The following SPTLC2 variants were observed in gnomAD, a reference collection of about 807,000 sequenced individuals.
SPTLC2 encodes the protein serine palmitoyltransferase 2.
A neutral mutation model predicts 62.0 loss-of-function variants in SPTLC2; 21 were observed. That is an observed-to-expected ratio of 0.34 (90% CI 0.24 to 0.49). SPTLC2 has a LOEUF of 0.49. Ranked by LOEUF, SPTLC2 falls within the 20% of genes least tolerant of loss-of-function variation. SPTLC2 has a pLI of 0.99. For synonymous variants in SPTLC2, 261 were observed against 261.8 expected (o/e 1.00, Z 0.03); for missense variants, 511 against 713.0 (o/e 0.72, Z 3.23).
At chr14:77,549,437 C>T (rs1484503850) in intron 9 of SPTLC2, among the ~76,000 whole-genome samples, 1 of 152,142 alleles carries the variant, frequency 6.6e-6, no homozygotes, top group African/African-American at 2.4e-5. Flanking sequence ...CATGAGGAGC[C>T]TAAGCCACAT....
rs893936137 is a variant in SPTLC2 at position 77,551,464 on chromosome 14, G to A, written c.1303+632C>T. Among the ~76,000 whole-genome samples the A allele has an allele frequency of 2.0e-5, 3 of 146,844 alleles. No homozygotes were observed. In the Admixed American group the frequency reaches 2.1e-4, roughly 10 times the overall value. The stretch of plus-strand genomic sequence containing the variant: ...ACATGCAATGAAAATATTTTTTAAA[G>A]TAAAGACAGACACCCAGTTGCTCCC... On this transcript the variant is annotated intron_variant, in intron 9 of 11. Transcript: ENST00000216484.
At chr14:77,516,606 G>A (rs1353340161) in intron 11 of SPTLC2, among the ~76,000 whole-genome samples, 2 of 151,860 alleles carry the variant, frequency 1.3e-5, no homozygotes, top group African/African-American at 4.8e-5. Flanking sequence ...AAAATCCATT[G>A]GAAAAATCTG....
chr14:77,558,769 A>G lies in SPTLC2; in HGVS notation c.851-1623T>C, dbSNP rs528462086. Among the ~76,000 whole-genome samples the G allele has an allele frequency of 3.8e-4, 58 of 151,972 alleles. 1 individual carries two copies. In the East Asian group the frequency reaches 9.9e-3, roughly 26 times the overall value. On this transcript the variant is annotated intron_variant, in intron 6 of 11. Coordinates refer to ENST00000216484, the MANE Select transcript of SPTLC2 (RefSeq NM_004863.4). ...CCTGAGTAGCTGGGATTACAGGTGC[A>G]TGCCACCACATCCAGCTAATTTTTG...
chr14:77,597,821 A>AG (rs2079856017), intron 1 of SPTLC2, among the ~76,000 whole-genome samples: 1 of 148,044 alleles, frequency 6.8e-6, no homozygotes, highest in South Asian at 2.1e-4. Flanking sequence ...GGAAACAAGA[A>AG]AAAAAAAAAA....
At chr14:77,552,684 T>C (rs1216791575) in intron 8 of SPTLC2, among the ~76,000 whole-genome samples, 2 of 151,548 alleles carry the variant, frequency 1.3e-5, no homozygotes, top group Non-Finnish European at 2.9e-5. Context: ...CGGGCACCTA[T>C]AATCCCAGCT....
rs752044336 is a variant in SPTLC2, at chr14:77,597,306, C to T, written c.207G>A (p.Leu69=). The change falls in exon 2 of 12, where the codon CTG becomes CTA. Residue 69 remains leucine (L), a synonymous_variant. Coordinates refer to ENST00000216484, the MANE Select transcript of SPTLC2 (RefSeq NM_004863.4). ...FNEAFEETPM[L]VAVLTYVGYG... is the part of the protein sequence containing the mutation. Reference sequence around the variant, plus strand: ...ACCCCACATACGTGAGCACAGCAACCAGCATTGGTGTTTCTTCAAAAGCTT... The same window carrying T: ...ACCCCACATACGTGAGCACAGCAACTAGCATTGGTGTTTCTTCAAAAGCTT... 1 of 1,614,152 alleles carries T rather than the reference C, an allele frequency of 6.2e-7. No individual in the cohort carries two copies. The highest frequency in any genetic ancestry group is 8.5e-7 in the Non-Finnish European group (1 of 1,180,020).
intron 1 of SPTLC2, among the ~76,000 whole-genome samples, chr14:77,603,713 A>T (rs945321410): frequency 6.6e-6 from 1 of 152,180 alleles, no homozygotes; most frequent in Non-Finnish European, 1.5e-5. Context: ...TTTGCTATTG[A>T]AAACCCCCAA....
intron 2 of SPTLC2, among the ~76,000 whole-genome samples, chr14:77,589,128 G>A (rs1463875087): frequency 2.0e-5 from 3 of 149,892 alleles, no homozygotes; most frequent in Non-Finnish European, 4.4e-5. Context: ...ACTTAATGAA[G>A]AAAAGTAGGT....
intron 5 of SPTLC2, among the ~76,000 whole-genome samples, chr14:77,569,438 A>G (rs1025428770): frequency 2.6e-5 from 4 of 152,158 alleles, no homozygotes; most frequent in African/African-American, 9.7e-5. Flanking sequence ...CATACACTGC[A>G]TAACTAAAAA....
intron 11 of SPTLC2, among the ~76,000 whole-genome samples, chr14:77,515,357 A>T (rs2079353200): frequency 6.6e-6 from 1 of 152,182 alleles, no homozygotes; most frequent in Admixed American, 6.5e-5. Context: ...AATGCTGAAC[A>T]CAGGATCTGT....
chr14:77,598,820 C>T (rs904804748), intron 1 of SPTLC2, among the ~76,000 whole-genome samples: 1 of 151,768 alleles, frequency 6.6e-6, no homozygotes, highest in Admixed American at 6.6e-5. Flanking sequence ...GCCTGTAGTC[C>T]CAGGTCCTCA....
chr14:77,606,779 G>A lies in SPTLC2; in HGVS notation c.133-9399C>T, dbSNP rs374442165. On this transcript the variant is annotated intron_variant, in intron 1 of 11. Coordinates refer to ENST00000216484, the MANE Select transcript of SPTLC2 (RefSeq NM_004863.4). ...AGGCGGGAGGATTGCTTGGACCCAG[G>A]AGTTTAAAACCAGCCTGGACAACAT... Among the ~76,000 whole-genome samples the A allele has an allele frequency of 3.1e-4, 47 of 152,250 alleles. 1 individual carries two copies. In the East Asian group the frequency reaches 7.1e-3, roughly 23 times the overall value.
At position 77,527,082 on chromosome 14, in the gene SPTLC2, C is replaced by T. The variant is rs570783148; in HGVS notation, c.1304-5501G>A. The stretch of plus-strand genomic sequence containing the variant: ...GTGCTGGGATTACAGGCGTGAGCCA[C>T]TGCGCCCGGCCTCTTTTTTTTTTTT... On this transcript the variant is annotated intron_variant, in intron 9 of 11. Transcript: ENST00000216484. Among the ~76,000 whole-genome samples, 3 of 145,660 alleles carry T rather than the reference C, an allele frequency of 2.1e-5. No homozygotes were observed. The South Asian group carries it at 6.7e-4, about 32-fold the overall frequency.
chr14:77,572,322 A>C (rs2079688596), intron 4 of SPTLC2, among the ~76,000 whole-genome samples: 4 of 152,234 alleles, frequency 2.6e-5, no homozygotes, highest in Admixed American at 2.0e-4. Context: ...CTAAAAGCTC[A>C]ATTTTTTATT....
At chr14:77,595,454 G>A (rs534724437) in intron 2 of SPTLC2, among the ~76,000 whole-genome samples, 10 of 152,190 alleles carry the variant, frequency 6.6e-5, no homozygotes, top group Non-Finnish European at 1.2e-4. Context: ...ACCAACTTCT[G>A]AATGCAGGGC....
chr14:77,579,016 C>T lies in SPTLC2; in HGVS notation c.421G>A (p.Val141Met). 6.2e-7 allele frequency: 1 copy of T among 1,614,110 alleles called. No individual in the cohort carries two copies. Among genetic ancestry groups the T allele is most frequent in the Non-Finnish European group, 8.5e-7 (1 of 1,180,014 alleles). Residue 141 changes from valine to methionine, a missense_variant, in exon 3 of 12, where the codon GTG becomes ATG. Physicochemically the swap from Val to Met is conservative, Grantham distance 21 (BLOSUM62 1). Transcript: ENST00000216484. ...RDNWNRPICS[V>M]PGARVDIMER... ...ATGATGTCCACCCTGGCTCCAGGCACACTACAGATTGGCCGATTCCAGTTG... is the reference window on the plus strand; with the variant it reads ...ATGATGTCCACCCTGGCTCCAGGCATACTACAGATTGGCCGATTCCAGTTG...
chr14:77,517,077 A>G (rs192300366), intron 11 of SPTLC2, among the ~76,000 whole-genome samples: 9 of 152,088 alleles, frequency 5.9e-5, no homozygotes, highest in African/African-American at 2.2e-4. Context: ...AGAAACCCTG[A>G]CTCTACTAAA....
rs878860605 is a variant in SPTLC2 at position 77,510,396 on chromosome 14, G to A, written c.*1888C>T. 6.5e-6 allele frequency: 1 copy of A among 153,960 alleles called. No homozygotes were observed. Among genetic ancestry groups the A allele is most frequent in the Non-Finnish European group, 1.4e-5 (1 of 69,326 alleles). The allele number at this position is 153,960 out of a possible 1,614,324, so 9.5% of individuals were successfully genotyped here. ...TAATGTGCACAAACATATCACAGCTGATGACAACACACCCAGGAGAATTTG... is the reference window on the plus strand; with the variant it reads ...TAATGTGCACAAACATATCACAGCTAATGACAACACACCCAGGAGAATTTG... On this transcript the variant is annotated 3_prime_UTR_variant, in exon 12 of 12. Coordinates refer to ENST00000216484, the MANE Select transcript of SPTLC2 (RefSeq NM_004863.4).
At chr14:77,520,442 A>C (rs2079380058) in intron 10 of SPTLC2, among the ~76,000 whole-genome samples, 1 of 152,196 alleles carries the variant, frequency 6.6e-6, no homozygotes, top group Admixed American at 6.5e-5. Flanking sequence ...TGTGGTGGAC[A>C]CTGGGGATTC....
Sources: gnomAD v4.1 joint callset for allele counts (sites outside exome capture counted in the v4.1 genomes callset) on GRCh38, gnomAD v4.1.1 for gene constraint, MANE v1.5 for transcripts, NCBI Gene and HGNC (gene_info 2026-07-23, HGNC 2026-07-21) for gene names.